PCDHGB5: variants seen among roughly 807,000 people sequenced by gnomAD.
PCDHGB5 encodes protocadherin gamma subfamily B, 5.
In PCDHGB5, 48 loss-of-function variants were observed where a neutral mutation model predicts 62.9. That is an observed-to-expected ratio of 0.76 (90% CI 0.61 to 0.97). The LOEUF is 0.97. PCDHGB5 is among the 50% of genes least tolerant of loss of function. The probability of loss-of-function intolerance (pLI) is 0.00; values close to 1 mark genes in which losing one functional copy is unlikely to be tolerated. For synonymous variants in PCDHGB5, 474 were observed against 511.2 expected (o/e 0.93, Z 0.98); for missense variants, 1,118 against 1,198.6 (o/e 0.93, Z 0.99).
chr5:141,419,589 C>T (rs1187251820), intron 1 of PCDHGB5: 1 of 1,611,856 alleles, frequency 6.2e-7, no homozygotes, highest in Non-Finnish European at 8.5e-7. Flanking sequence ...CTCTTCGACA[C>T]AGTGCCGCGG....
rs1482322150 is a variant in PCDHGB5, at chr5:141,485,119, C to T, written c.2398-9688C>T. On this transcript the variant is annotated intron_variant, in intron 1 of 3. Transcript: ENST00000617380. This position sits in a 1 kb window ranked among gnomAD's most constrained non-coding sequence, Gnocchi z 5.7. ...CTCCAGCTGCTGTGGCTGTTTGGGGCGGGTCGGCTTCATCCGCGTCTCAGG... is the reference window on the plus strand; with the variant it reads ...CTCCAGCTGCTGTGGCTGTTTGGGGTGGGTCGGCTTCATCCGCGTCTCAGG... 9.8e-6 allele frequency: 13 copies of T among 1,328,806 alleles called. No individual in the cohort carries two copies. The East Asian group carries it at 1.8e-4, about 19-fold the overall frequency. 82.3% of individuals were successfully genotyped at this position (1,328,806 alleles called of 1,614,324 possible). A position where few individuals can be genotyped will look rare whatever the true frequency, so the allele number is the denominator to read the frequency against.
chr5:141,499,996 C>A (rs1246090346), intron 2 of PCDHGB5, among the ~76,000 whole-genome samples: 2 of 151,572 alleles, frequency 1.3e-5, no homozygotes, highest in Non-Finnish European at 2.9e-5. Flanking sequence ...CCAGATGATT[C>A]TTTCATAAGG....
Position 141,432,916 on chromosome 5 carries a change from G to A in PCDHGB5, c.2397+32392G>A, listed in dbSNP as rs1303459899. ...TGCTGGCGCTCAGGCTGCGGCGCTG[G>A]CACAAGTCACGCCTGCTGCAGGCTT... is the stretch of plus-strand genomic sequence containing the variant. On this transcript the variant is annotated intron_variant, in intron 1 of 3. Transcript: ENST00000617380. This position sits in a 1 kb window ranked among gnomAD's most constrained non-coding sequence, Gnocchi z 6.0. 1.2e-6 allele frequency: 2 copies of A among 1,614,078 alleles called. No individual in the cohort carries two copies. The highest frequency in any genetic ancestry group is 1.7e-6 in the Non-Finnish European group (2 of 1,180,048).
chr5:141,458,408 C>T (rs895785923), intron 1 of PCDHGB5, among the ~76,000 whole-genome samples: 3 of 151,932 alleles, frequency 2.0e-5, no homozygotes, highest in Non-Finnish European at 2.9e-5. Context: ...AGAGACGGAG[C>T]GGGGGTTCCA....
In PCDHGB5 at chr5:141,486,959, G is replaced by A. The variant is rs1161675143; in HGVS notation, c.2398-7848G>A. The A allele has an allele frequency of 1.9e-6, 3 of 1,614,098 alleles. No individual in the cohort carries two copies. In the African/African-American group the frequency reaches 4.0e-5, roughly 22 times the overall value. On this transcript the variant is annotated intron_variant, in intron 1 of 3. Transcript: ENST00000617380. The surrounding 1 kb of genome is among the most constrained non-coding windows in gnomAD (Gnocchi z 5.0). ...CCACCTAATCACAAAGGTGACTGCTGTGGACTTGGATTCAGGTTACAATGC... is the reference window on the plus strand; with the variant it reads ...CCACCTAATCACAAAGGTGACTGCTATGGACTTGGATTCAGGTTACAATGC...
chr5:141,421,469 G>T (rs767500900), intron 1 of PCDHGB5: 1 of 1,614,122 alleles, frequency 6.2e-7, no homozygotes, highest in South Asian at 1.1e-5. Flanking sequence ...GTGAATCCGC[G>T]AAGCGGCAGC....
chr5:141,413,682 C>G, intron 1 of PCDHGB5: 1 of 1,613,798 alleles, frequency 6.2e-7, no homozygotes, highest in South Asian at 1.1e-5. Context: ...TGGGCGTGAA[C>G]TCCCTGCAGA....
At chr5:141,484,468 C>T (rs2099596877) in intron 1 of PCDHGB5, among the ~76,000 whole-genome samples, 1 of 152,200 alleles carries the variant, frequency 6.6e-6, no homozygotes, top group South Asian at 2.1e-4. Context: ...ATGTGTAAGC[C>T]TTTTCTGCAA....
chr5:141,410,847 GTC>G (rs2095431261), intron 1 of PCDHGB5: 6 of 158,244 alleles, frequency 3.8e-5, no homozygotes, highest in Admixed American at 8.9e-5. Context: ...TTTTGTCTTT[GTC>G]TTTTTTTTTT....
intron 1 of PCDHGB5, among the ~76,000 whole-genome samples, chr5:141,472,994 A>AAAAG (rs1425445230): frequency 1.3e-5 from 2 of 151,692 alleles, no homozygotes; most frequent in Non-Finnish European, 2.9e-5. Context: ...AAAAAAAAAA[A>AAAAG]AAAGAAAGAA....
At chr5:141,409,434 A>T in intron 1 of PCDHGB5, 2 of 1,613,992 alleles carry the variant, frequency 1.2e-6, no homozygotes, top group Non-Finnish European at 1.7e-6. Context: ...GGAGCCCTGG[A>T]CCGAGAGCAG....
At chr5:141,488,208 C>T (rs2099672939) in intron 1 of PCDHGB5, among the ~76,000 whole-genome samples, 1 of 152,152 alleles carries the variant, frequency 6.6e-6, no homozygotes, top group African/African-American at 2.4e-5. Flanking sequence ...GGACTCATAT[C>T]AAGTCCCTAC....
rs2098293800 is a variant in PCDHGB5 at position 141,442,043 on chromosome 5, A to G, written c.2397+41519A>G. The G allele has an allele frequency of 1.9e-5, 4 of 205,506 alleles. No homozygotes were observed. In the South Asian group the frequency reaches 2.4e-4, roughly 12 times the overall value. The allele number at this position is 205,506 out of a possible 1,614,324, so 12.7% of individuals were successfully genotyped here. A position where few individuals can be genotyped will look rare whatever the true frequency, so the allele number is the denominator to read the frequency against. On this transcript the variant is annotated intron_variant, in intron 1 of 3. Transcript: ENST00000617380. ...ACAGGAAAGCGACTCGCCAGCGCCTACTGGTCGCGGTGCACTGCGGTGGAC... is the reference window on the plus strand; with the variant it reads ...ACAGGAAAGCGACTCGCCAGCGCCTGCTGGTCGCGGTGCACTGCGGTGGAC...
chr5:141,481,021 GC>G (rs2099529893), intron 1 of PCDHGB5, among the ~76,000 whole-genome samples: 1 of 152,076 alleles, frequency 6.6e-6, no homozygotes, highest in Non-Finnish European at 1.5e-5. Context: ...TCACACCACT[GC>G]ACTCCAGCCT....
intron 3 of PCDHGB5, among the ~76,000 whole-genome samples, chr5:141,510,272 TAAAAAA>T (rs546154379): frequency 7.7e-6 from 1 of 130,390 alleles, no homozygotes; most frequent in Non-Finnish European, 1.6e-5. Context: ...GACTCCATCT[TAAAAAA>T]AAAAAAAAAA....
rs1248714579 is a variant in PCDHGB5 at position 141,489,513 on chromosome 5, C to A, written c.2398-5294C>A. The A allele has an allele frequency of 6.2e-7, 1 of 1,614,000 alleles. No homozygotes were observed. Among genetic ancestry groups the A allele is most frequent in the African/African-American group, 1.3e-5 (1 of 74,918 alleles). ...CCCTGGCAGTGAATCAAAAGATTGACCGAGAAAGCCTATGTGGAGCCAGCA... is the reference window on the plus strand; with the variant it reads ...CCCTGGCAGTGAATCAAAAGATTGAACGAGAAAGCCTATGTGGAGCCAGCA... On this transcript the variant is annotated intron_variant, in intron 1 of 3. Coordinates refer to ENST00000617380, the MANE Select transcript of PCDHGB5 (RefSeq NM_018925.3). The surrounding 1 kb of genome is among the most constrained non-coding windows in gnomAD (Gnocchi z 4.5).
At chr5:141,464,035 C>T (rs564886798) in intron 1 of PCDHGB5, among the ~76,000 whole-genome samples, 1 of 152,066 alleles carries the variant, frequency 6.6e-6, no homozygotes, top group African/African-American at 2.4e-5. Context: ...GAGGCCAAGG[C>T]GGGTGGATCA....
intron 1 of PCDHGB5, chr5:141,415,782 T>C: frequency 7.4e-7 from 1 of 1,356,228 alleles, no homozygotes. Context: ...TACTTTCTGG[T>C]AAAATTCACC....
At chr5:141,492,448 G>T (rs2734874) in intron 1 of PCDHGB5, among the ~76,000 whole-genome samples, 50 of 152,334 alleles carry the variant, frequency 3.3e-4, no homozygotes, top group African/African-American at 1.2e-3. Context: ...GTAGCTGATT[G>T]TGCGCGCCTG....
Sources: gnomAD v4.1 joint callset for allele counts (sites outside exome capture counted in the v4.1 genomes callset) on GRCh38, gnomAD v4.1.1 for gene constraint, Gnocchi (gnomAD v3.1) non-coding constraint, MANE v1.5 for transcripts, NCBI Gene and HGNC (gene_info 2026-07-23, HGNC 2026-07-21) for gene names.